ZNF157: variants seen among roughly 807,000 people sequenced by gnomAD.
The protein encoded by ZNF157 is zinc finger protein 22.
Under a neutral mutation model 9.4 loss-of-function variants are expected in ZNF157, and 8 were observed. The ratio of observed to expected loss-of-function variants is 0.85; its 90% CI spans 0.50 to 1.53. ZNF157 has a LOEUF of 1.53. ZNF157 is among the 40% of genes most tolerant of loss of function. The pLI is 0.00. For missense variants in ZNF157, 316 were observed against 385.2 expected (o/e 0.82, Z 1.50); for synonymous variants, 120 against 130.8 (o/e 0.92, Z 0.56).
chrX:47,400,386 T>C (rs920985024), intron 1 of ZNF157, among the ~76,000 whole-genome samples: 4 of 110,751 alleles, frequency 3.6e-5, no homozygotes, highest in Non-Finnish European at 1.9e-5. Flanking sequence ...TCTCAAACTC[T>C]TGGGCTCAAG....
chrX:47,383,152 C>A (rs1457217113), intron 1 of ZNF157, among the ~76,000 whole-genome samples: 1 of 107,543 alleles, frequency 9.3e-6, no homozygotes, highest in Non-Finnish European at 1.9e-5. Flanking sequence ...GGGCGGATCA[C>A]AAGGTCAGGA....
intron 1 of ZNF157, among the ~76,000 whole-genome samples, chrX:47,377,093 G>A (rs1602758629): frequency 9.0e-6 from 1 of 110,804 alleles, no homozygotes; most frequent in African/African-American, 3.3e-5. Context: ...CACCCAGATC[G>A]ATAAATTGGC....
intron 1 of ZNF157, among the ~76,000 whole-genome samples, chrX:47,374,998 CTTTTTTTTT>C (rs769541152): frequency 3.2e-4 from 8 of 24,992 alleles, no homozygotes; most frequent in African/African-American, 1.0e-3. Flanking sequence ...GGCTGACAAT[CTTTTTTTTT>C]TTTTTTTTTT....
intron 1 of ZNF157, among the ~76,000 whole-genome samples, chrX:47,397,818 G>T (rs1233674778): frequency 9.1e-6 from 1 of 110,115 alleles, no homozygotes; most frequent in African/African-American, 3.3e-5. Flanking sequence ...TTAAGTGGCC[G>T]TGTGGCAGTC....
At chrX:47,405,114 G>T (rs958838009) in intron 1 of ZNF157, among the ~76,000 whole-genome samples, 2 of 111,308 alleles carry the variant, frequency 1.8e-5, no homozygotes, top group African/African-American at 6.5e-5. Flanking sequence ...GAGGCCGGAC[G>T]TGGTGGCTCA....
At chrX:47,380,766 A>G (rs1448651187) in intron 1 of ZNF157, among the ~76,000 whole-genome samples, 1 of 82,666 alleles carries the variant, frequency 1.2e-5, no homozygotes, top group African/African-American at 5.6e-5. Flanking sequence ...TTTTATTATT[A>G]TTTTTCTTTT....
intron 1 of ZNF157, among the ~76,000 whole-genome samples, chrX:47,372,052 G>C (rs1473731117): frequency 9.0e-6 from 1 of 111,669 alleles, no homozygotes; most frequent in East Asian, 2.8e-4. Flanking sequence ...GTTTTTGTAG[G>C]GGTGTGATAC....
At position 47,371,669 on chromosome X, in the gene ZNF157, G is replaced by A. The variant is rs183267656; in HGVS notation, c.72+929G>A. Among the ~76,000 whole-genome samples the A allele has an allele frequency of 1.4e-3, 151 of 111,351 alleles. 1 individual carries two copies. The highest frequency in any genetic ancestry group is 4.6e-3 in the Middle Eastern group (1 of 217). On this transcript the variant is annotated intron_variant, in intron 1 of 3. Coordinates refer to ENST00000377073, the MANE Select transcript of ZNF157 (RefSeq NM_003446.4). ...GTCACCCAGGCTGGACTGCAATGGC[G>A]TGATCTTGGCTCACTGCAACCTCTG...
At chrX:47,405,874 A>G (rs191857816) in intron 1 of ZNF157, among the ~76,000 whole-genome samples, 20 of 108,728 alleles carry the variant, frequency 1.8e-4, no homozygotes, top group Non-Finnish European at 3.6e-4. Flanking sequence ...TTTTATTTCA[A>G]TAGGTTTTGG....
chrX:47,386,604 C>T lies in ZNF157; in HGVS notation c.72+15864C>T, dbSNP rs147671086. 5.3e-3 allele frequency among the ~76,000 whole-genome samples: 577 copies of T among 109,831 alleles called. 6 individuals are homozygous for T. The East Asian group carries it at 0.06, about 12-fold the overall frequency. On this transcript the variant is annotated intron_variant, in intron 1 of 3. Coordinates refer to ENST00000377073, the MANE Select transcript of ZNF157 (RefSeq NM_003446.4). ...CCTCCCAAGTAGCTGGGACCAGAGG[C>T]GTGCACCATCACACCCGGCTAATTT...
At chrX:47,373,547 G>C (rs912292918) in intron 1 of ZNF157, among the ~76,000 whole-genome samples, 1 of 110,985 alleles carries the variant, frequency 9.0e-6, no homozygotes, top group Non-Finnish European at 1.9e-5. Flanking sequence ...TGATAAGCAG[G>C]AAGTTTGTGA....
chrX:47,394,280 A>G (rs2055907217), intron 1 of ZNF157, among the ~76,000 whole-genome samples: 1 of 111,126 alleles, frequency 9.0e-6, no homozygotes, highest in African/African-American at 3.3e-5. Context: ...TCTTGAGCTC[A>G]AGTGATCCTC....
chrX:47,381,400 ATCTC>A (rs1044142581), intron 1 of ZNF157, among the ~76,000 whole-genome samples: 1 of 111,972 alleles, frequency 8.9e-6, no homozygotes, highest in African/African-American at 3.2e-5. Context: ...AACATGCAAT[ATCTC>A]TCTGTTTACT....
intron 1 of ZNF157, among the ~76,000 whole-genome samples, chrX:47,402,892 G>A (rs186025489): frequency 1.2e-3 from 131 of 109,875 alleles, no homozygotes; most frequent in Non-Finnish European, 2.1e-3. Context: ...TGTTACATGC[G>A]TATATTGCAG....
chrX:47,391,892 ATTT>A (rs57626522), intron 1 of ZNF157, among the ~76,000 whole-genome samples: 1 of 92,148 alleles, frequency 1.1e-5, no homozygotes, highest in African/African-American at 4.0e-5. Context: ...ACCTGTATTG[ATTT>A]TTTTTTTTTT....
At chrX:47,411,970 T>C (rs1402096751) in intron 3 of ZNF157, among the ~76,000 whole-genome samples, 1 of 111,325 alleles carries the variant, frequency 9.0e-6, no homozygotes, top group Non-Finnish European at 1.9e-5. Flanking sequence ...TTTTGTTTGT[T>C]TGTTTTTTGA....
chrX:47,384,889 T>C (rs2055875001), intron 1 of ZNF157, among the ~76,000 whole-genome samples: 4 of 112,317 alleles, frequency 3.6e-5, no homozygotes, highest in Admixed American at 2.9e-4. Context: ...AGTAGTTCCA[T>C]AATTACATGG....
At chrX:47,376,904 C>T (rs1188211875) in intron 1 of ZNF157, among the ~76,000 whole-genome samples, 1 of 111,501 alleles carries the variant, frequency 9.0e-6, no homozygotes, top group Non-Finnish European at 1.9e-5. Context: ...AAGGCAAATC[C>T]CCTGCTTGCC....
At chrX:47,403,656 CA>C (rs1262055439) in intron 1 of ZNF157, among the ~76,000 whole-genome samples, 1 of 110,642 alleles carries the variant, frequency 9.0e-6, no homozygotes. Context: ...ACTCATTATA[CA>C]AAAATCCAAA....
Sources: allele counts gnomAD v4.1 joint callset (sites outside exome capture counted in the v4.1 genomes callset), GRCh38; gene constraint gnomAD v4.1.1; transcripts MANE v1.5; gene names NCBI Gene and HGNC (gene_info 2026-07-23, HGNC 2026-07-21).